Variants in PPFIBP2 observed in about 807,000 individuals in gnomAD.
PPFIBP2 encodes PPFIB scaffold protein 2.
PPFIBP2 carries 118 observed loss-of-function variants against 118.3 expected under a neutral mutation model. The observed-to-expected ratio is 1.00, with a 90% confidence interval of 0.86 to 1.16. The LOEUF is 1.16. Among genes scored for constraint, PPFIBP2 ranks in the 50% most tolerant of loss-of-function variants. The probability of loss-of-function intolerance (pLI) is 0.00; values close to 1 mark genes in which losing one functional copy is unlikely to be tolerated. For synonymous variants in PPFIBP2, 414 were observed against 397.4 expected (o/e 1.04, Z -0.50); for missense variants, 1,195 against 1,073.1 (o/e 1.11, Z -1.59).
the PPFIBP2 span, chr11:7,666,000 T>C: frequency 2.5e-6 from 3 of 1,219,700 alleles, no homozygotes; most frequent in Non-Finnish European, 3.5e-6. Flanking sequence ...GGGTGCTCTG[T>C]GCACAGTGGT....
chr11:7,608,922 A>C (rs1847734089), intron 5 of PPFIBP2, among the ~76,000 whole-genome samples: 1 of 152,218 alleles, frequency 6.6e-6, no homozygotes, highest in South Asian at 2.1e-4. Context: ...CTCTGGCTGC[A>C]GTGCTCCACC....
chr11:7,545,807 C>T (rs963792262), intron 1 of PPFIBP2, among the ~76,000 whole-genome samples: 4 of 152,172 alleles, frequency 2.6e-5, no homozygotes, highest in African/African-American at 7.2e-5. Flanking sequence ...TGAGGCCACT[C>T]CTGCAGGATG....
Position 7,653,625 on chromosome 11 carries a change from G to T in PPFIBP2, c.*407G>T. On this transcript the variant is annotated 3_prime_UTR_variant, in exon 24 of 24. Transcript: ENST00000299492. ...AAAGCTCAAGTGCCTTAGGCCCGTGGACCACAGTCTTGGCTGAGATCAAAG... is the reference window on the plus strand; with the variant it reads ...AAAGCTCAAGTGCCTTAGGCCCGTGTACCACAGTCTTGGCTGAGATCAAAG... The T allele has an allele frequency of 7.7e-7, 1 of 1,295,336 alleles. No homozygotes were observed. The highest frequency in any genetic ancestry group is 1.0e-6 in the Non-Finnish European group (1 of 993,072). 80.2% of individuals were successfully genotyped at this position (1,295,336 alleles called of 1,614,324 possible).
intron 3 of PPFIBP2, among the ~76,000 whole-genome samples, chr11:7,582,204 C>T (rs961345938): frequency 1.3e-5 from 2 of 152,106 alleles, no homozygotes; most frequent in African/African-American, 2.4e-5. Context: ...AGGATGACAT[C>T]GATCAGAACT....
At chr11:7,620,041 C>T (rs989910968) in intron 6 of PPFIBP2, among the ~76,000 whole-genome samples, 1 of 152,152 alleles carries the variant, frequency 6.6e-6, no homozygotes, top group Non-Finnish European at 1.5e-5. Context: ...TTAGTGGAGT[C>T]ATCTTTATAG....
intron 2 of PPFIBP2, among the ~76,000 whole-genome samples, chr11:7,556,263 G>A (rs1430777207): frequency 2.6e-5 from 4 of 152,242 alleles, no homozygotes; most frequent in East Asian, 3.9e-4. Context: ...AGACCATCCT[G>A]GCTAACACAG....
At position 7,650,959 on chromosome 11, in the gene PPFIBP2, C is replaced by T. The variant is rs181801728; in HGVS notation, c.2241C>T (p.Gly747=). ...PNLRGSGVHG[G]LIILEPRFTG... is the part of the protein sequence containing the mutation. The stretch of plus-strand genomic sequence containing the variant: ...TTCGAGGGAGTGGAGTCCATGGAGG[C>T]CTCATTGTGAGTGGCTCTCTGGCCT... Residue 747 remains glycine, a synonymous_variant, in exon 22 of 24, where the codon GGC becomes GGT. Transcript: ENST00000299492. 2 of 1,613,156 alleles carry T rather than the reference C, an allele frequency of 1.2e-6. No homozygotes were observed. The highest frequency in any genetic ancestry group is 2.7e-5 in the African/African-American group (2 of 75,036).
Position 7,567,169 on chromosome 11 carries a change from T to C in PPFIBP2, c.279+1402T>C, listed in dbSNP as rs569013807. On this transcript the variant is annotated intron_variant, in intron 3 of 23. Coordinates refer to ENST00000299492, the MANE Select transcript of PPFIBP2 (RefSeq NM_003621.5). ...GGCCCTAGCAACGCCTTTCCCAACC[T>C]CAGAACAGATAACTGTTCACCTGTA... is the stretch of plus-strand genomic sequence containing the variant. Among the ~76,000 whole-genome samples, 6 of 152,282 alleles carry C rather than the reference T, an allele frequency of 3.9e-5. No individual in the cohort carries two copies. The East Asian group carries it at 1.2e-3, about 29-fold the overall frequency.
At chr11:7,643,948 G>A (rs1852595551) in intron 17 of PPFIBP2, among the ~76,000 whole-genome samples, 2 of 152,150 alleles carry the variant, frequency 1.3e-5, no homozygotes, top group South Asian at 4.1e-4. Flanking sequence ...AGCACTGCTG[G>A]ACAGAGTGCG....
intron 3 of PPFIBP2, among the ~76,000 whole-genome samples, chr11:7,589,591 C>A (rs543472751): frequency 1.3e-5 from 2 of 148,794 alleles, no homozygotes; most frequent in South Asian, 2.1e-4. Context: ...GACTCTGTCT[C>A]AAAAAGAACA....
chr11:7,539,348 T>C (rs11041431), intron 1 of PPFIBP2: 23,449 of 152,380 alleles, frequency 0.15, 2,317 homozygotes, highest in Middle Eastern at 0.23. Context: ...CTGTGGGCTC[T>C]GCCATTGCTC....
Position 7,650,950 on chromosome 11 carries a change from C to T in PPFIBP2, c.2232C>T (p.Val744=). The T allele has an allele frequency of 6.2e-7, 1 of 1,613,550 alleles. No individual in the cohort carries two copies. The highest frequency in any genetic ancestry group is 8.5e-7 in the Non-Finnish European group (1 of 1,179,612). The part of the protein sequence containing the change: ...EYAPNLRGSG[V]HGGLIILEPR... Reference sequence around the variant, plus strand: ...CACCCAATCTTCGAGGGAGTGGAGTCCATGGAGGCCTCATTGTGAGTGGCT... The same window carrying T: ...CACCCAATCTTCGAGGGAGTGGAGTTCATGGAGGCCTCATTGTGAGTGGCT... The change falls in exon 22 of 24, where the codon GTC becomes GTT. Residue 744 remains valine (V), a synonymous_variant. Transcript: ENST00000299492.
intron 5 of PPFIBP2, 79 bp downstream of exon 5, chr11:7,597,752 G>C: frequency 1.7e-6 from 2 of 1,159,496 alleles, no homozygotes; most frequent in South Asian, 2.6e-5. Flanking sequence ...CCAGGCTACA[G>C]CCCTCGCTGT....
chr11:7,602,868 A>C (rs1451666321), intron 5 of PPFIBP2, among the ~76,000 whole-genome samples: 1 of 152,204 alleles, frequency 6.6e-6, no homozygotes, highest in Non-Finnish European at 1.5e-5. Context: ...GCTATTTGCT[A>C]TTGATCTGGG....
chr11:7,636,717 A>G (rs781642059), intron 14 of PPFIBP2, among the ~76,000 whole-genome samples: 13 of 152,212 alleles, frequency 8.5e-5, no homozygotes, highest in Non-Finnish European at 1.8e-4. Flanking sequence ...AATATAAGTA[A>G]CGTAGAACTA....
At chr11:7,665,942 G>C in the PPFIBP2 span, 17 of 1,534,788 alleles carry the variant, frequency 1.1e-5, no homozygotes, top group Middle Eastern at 1.7e-4. Context: ...CCAGGGACCT[G>C]TATGACAAGC....
chr11:7,522,509 C>T (rs1233321513), intron 1 of PPFIBP2, among the ~76,000 whole-genome samples: 1 of 152,160 alleles, frequency 6.6e-6, no homozygotes, highest in Non-Finnish European at 1.5e-5. Context: ...TTGTAGAACC[C>T]AGGTCTACTG....
At chr11:7,598,521 A>C (rs1011092399) in intron 5 of PPFIBP2, 6 of 154,874 alleles carry the variant, frequency 3.9e-5, no homozygotes, top group African/African-American at 1.4e-4. Context: ...GTATTAATAT[A>C]TCTAATCTTA....
downstream of PPFIBP2, among the ~76,000 whole-genome samples, chr11:7,655,031 G>C (rs1390192710): frequency 6.6e-6 from 1 of 152,204 alleles, no homozygotes; most frequent in Non-Finnish European, 1.5e-5. Flanking sequence ...GGGCATTGGT[G>C]TCTGAGCTCC....
Sources: allele counts gnomAD v4.1 joint callset (sites outside exome capture counted in the v4.1 genomes callset), GRCh38; gene constraint gnomAD v4.1.1; transcripts MANE v1.5; gene names NCBI Gene and HGNC (gene_info 2026-07-23, HGNC 2026-07-21).